PEAK1: variants seen among roughly 807,000 people sequenced by gnomAD.
PEAK1 encodes the protein pseudopodium enriched atypical kinase 1, also known as inactive tyrosine-protein kinase PEAK1.
PEAK1 carries 54 observed loss-of-function variants against 124.7 expected under a neutral mutation model. The observed-to-expected ratio is 0.43, with a 90% CI of 0.35 to 0.54. The LOEUF (loss-of-function observed/expected upper bound fraction) is 0.54. PEAK1 is among the 20% of genes least tolerant of loss of function. The pLI, the probability that PEAK1 is intolerant of heterozygous loss-of-function variation, is 0.01. For synonymous variants in PEAK1, 719 were observed against 760.0 expected (o/e 0.95, Z 0.89); for missense variants, 2,046 against 2,134.5 (o/e 0.96, Z 0.82).
chr15:77,207,856 TC>T (rs2152857470), intron 6 of PEAK1, among the ~76,000 whole-genome samples: 1 of 152,364 alleles, frequency 6.6e-6, no homozygotes, highest in Admixed American at 6.5e-5. Flanking sequence ...ATAAAGGGGT[TC>T]TAACAAGAAA....
chr15:77,234,917 C>T (rs1053246801), intron 6 of PEAK1, among the ~76,000 whole-genome samples: 1 of 152,048 alleles, frequency 6.6e-6, no homozygotes, highest in Non-Finnish European at 1.5e-5. Context: ...GATCAAGGGG[C>T]GGTTTCCTCC....
chr15:77,338,642 A>AT lies in PEAK1; in HGVS notation c.-603+26520_-603+26521insA, dbSNP rs1254103682. Among the ~76,000 whole-genome samples, 548 of 142,084 alleles carry AT rather than the reference A, an allele frequency of 3.9e-3. 3 individuals are homozygous for AT. Among genetic ancestry groups the AT allele is most frequent in the Admixed American group, 8.8e-3 (126 of 14,328 alleles). The allele number at this position is 142,084 out of a possible 152,430, so 93.2% of individuals were successfully genotyped here. A position where few individuals can be genotyped will look rare whatever the true frequency, so the allele number is the denominator to read the frequency against. On this transcript the variant is annotated intron_variant, in intron 2 of 9. Coordinates refer to ENST00000682557, the MANE Select transcript of PEAK1 (RefSeq NM_001385026.1). ...ACCACATGAAAAATCTTTAAAAAAA[A>AT]AAATATATATATATATATATGTATC...
chr15:77,379,400 A>T (rs1383188626), intron 1 of PEAK1, among the ~76,000 whole-genome samples: 1 of 152,196 alleles, frequency 6.6e-6, no homozygotes, highest in Non-Finnish European at 1.5e-5. Context: ...CTTTAAAGAA[A>T]CTATCTAGAA....
In PEAK1 at chr15:77,180,778, A is replaced by C; in HGVS notation, c.1149T>G (p.Ile383Met). ...TAGAGGGACTTTCATAATTGGGCTC[A>C]ATTTCCTTCATGTCCTTAGAATCTC... Reference protein sequence around the residue: ...NPGDSKDMKEIEPNYESPSSN... With the variant: ...NPGDSKDMKEMEPNYESPSSN... Residue 383 changes from isoleucine (I) to methionine (M), a missense_variant, in exon 7 of 10, where the codon ATT becomes ATG. Transcript: ENST00000682557. 6.2e-7 allele frequency: 1 copy of C among 1,614,016 alleles called. No individual in the cohort carries two copies. The highest frequency in any genetic ancestry group is 8.5e-7 in the Non-Finnish European group (1 of 1,179,964).
rs912798130 is a variant in PEAK1, at chr15:77,249,254, T to C, written c.-115+3113A>G. ...CCTATCAAGTGTTATGAGTTTAAGA[T>C]TGTAGACAGAGACAGATATCAAATT... On this transcript the variant is annotated intron_variant, in intron 6 of 9. Transcript: ENST00000682557. Among the ~76,000 whole-genome samples, 4 of 151,870 alleles carry C rather than the reference T, an allele frequency of 2.6e-5. 1 individual carries two copies. The highest frequency in any genetic ancestry group is 1.3e-4 in the Admixed American group (2 of 15,270).
intron 6 of PEAK1, among the ~76,000 whole-genome samples, chr15:77,194,963 T>C (rs74025080): frequency 0.015 from 2,264 of 152,272 alleles, 56 homozygotes; most frequent in African/African-American, 0.051. Context: ...AGCAAGAAAA[T>C]AGTAAATTAT....
At chr15:77,260,495 A>G (rs2061382473) in intron 5 of PEAK1, among the ~76,000 whole-genome samples, 1 of 152,190 alleles carries the variant, frequency 6.6e-6, no homozygotes, top group Non-Finnish European at 1.5e-5. Context: ...AAGGGCTGTA[A>G]TAACTATGCT....
intron 7 of PEAK1, among the ~76,000 whole-genome samples, chr15:77,177,639 A>G (rs2056965700): frequency 6.6e-6 from 1 of 152,056 alleles, no homozygotes; most frequent in African/African-American, 2.4e-5. Flanking sequence ...TCTTACTTTA[A>G]GTAAGGAGGG....
intron 2 of PEAK1, among the ~76,000 whole-genome samples, chr15:77,360,697 G>A (rs1345793067): frequency 6.6e-6 from 1 of 151,958 alleles, no homozygotes; most frequent in African/African-American, 2.4e-5. Flanking sequence ...GTATACACAA[G>A]GGTCCTGAAA....
At chr15:77,200,476 T>C (rs1445505604) in intron 6 of PEAK1, among the ~76,000 whole-genome samples, 2 of 152,184 alleles carry the variant, frequency 1.3e-5, no homozygotes, top group Non-Finnish European at 2.9e-5. Flanking sequence ...CTACTCAATG[T>C]ATGGTCTGTA....
At chr15:77,352,878 A>C (rs1277103750) in intron 2 of PEAK1, 1 of 985,310 alleles carries the variant, frequency 1.0e-6, no homozygotes, top group African/African-American at 1.7e-5. Context: ...CATTTAGTGA[A>C]GGATCAATGT....
At chr15:77,178,219 A>G (rs1202801767) in intron 7 of PEAK1, 1 of 152,668 alleles carries the variant, frequency 6.6e-6, no homozygotes, top group East Asian at 1.9e-4. Context: ...AACTTCTCCT[A>G]TTTCACCCAC....
chr15:77,296,473 G>A (rs908019392), intron 2 of PEAK1, among the ~76,000 whole-genome samples: 2 of 151,658 alleles, frequency 1.3e-5, no homozygotes, highest in Non-Finnish European at 2.9e-5. Context: ...AATTAGCCAG[G>A]TGTGGTGGCA....
chr15:77,209,140 C>G (rs1184997040), intron 6 of PEAK1, among the ~76,000 whole-genome samples: 1 of 152,032 alleles, frequency 6.6e-6, no homozygotes, highest in African/African-American at 2.4e-5. Context: ...GAAACCAGAT[C>G]TAAAAAAGTC....
chr15:77,401,369 T>G (rs952000960), intron 1 of PEAK1, among the ~76,000 whole-genome samples: 20 of 152,200 alleles, frequency 1.3e-4, no homozygotes, highest in Non-Finnish European at 2.8e-4. Flanking sequence ...TGCTGGCAAT[T>G]TAAGCAGTGG....
intron 7 of PEAK1, among the ~76,000 whole-genome samples, chr15:77,169,205 G>A (rs2056333619): frequency 6.6e-6 from 1 of 152,138 alleles, no homozygotes; most frequent in East Asian, 1.9e-4. Context: ...TGGAACTACA[G>A]ATGCACACTA....
At chr15:77,354,133 T>C (rs1025610748) in intron 2 of PEAK1, among the ~76,000 whole-genome samples, 2 of 152,192 alleles carry the variant, frequency 1.3e-5, no homozygotes, top group South Asian at 2.1e-4. Context: ...GACAGATCTG[T>C]ACATCTCCAC....
At chr15:77,118,597 G>A (rs1178525728) in intron 9 of PEAK1, among the ~76,000 whole-genome samples, 1 of 152,004 alleles carries the variant, frequency 6.6e-6, no homozygotes, top group Non-Finnish European at 1.5e-5. Flanking sequence ...CTTCTTCTTG[G>A]CTCTCATTAT....
Position 77,214,432 on chromosome 15 carries a change from C to T in PEAK1, c.-114-32392G>A, listed in dbSNP as rs187005929. 5.9e-3 allele frequency among the ~76,000 whole-genome samples: 882 copies of T among 150,486 alleles called. 13 individuals carry two copies. Among genetic ancestry groups the T allele is most frequent in the African/African-American group, 0.02 (817 of 40,846 alleles). On this transcript the variant is annotated intron_variant, in intron 6 of 9. Coordinates refer to ENST00000682557, the MANE Select transcript of PEAK1 (RefSeq NM_001385026.1). ...GAGATGGAGACCATCCTGGCTAACC[C>T]GGTGAAACCTCGTCTCTACTAAAAA...
Sources: gnomAD v4.1 joint callset for allele counts (sites outside exome capture counted in the v4.1 genomes callset) on GRCh38, gnomAD v4.1.1 for gene constraint, MANE v1.5 for transcripts, NCBI Gene and HGNC (gene_info 2026-07-23, HGNC 2026-07-21) for gene names.